Variants in GRIK1 observed in about 807,000 individuals in gnomAD.
GRIK1 encodes glutamate ionotropic receptor kainate type subunit 1.
GRIK1 carries 69 observed loss-of-function variants against 105.7 expected under a neutral mutation model. The observed-to-expected ratio is 0.65, with a 90% CI of 0.54 to 0.80. The LOEUF is 0.80. GRIK1 is among the 30% of genes least tolerant of loss of function. The pLI is 0.00. For missense variants in GRIK1, 1,109 were observed against 1,167.3 expected (o/e 0.95, Z 0.73); for synonymous variants, 438 against 431.3 (o/e 1.02, Z -0.19).
In GRIK1 at chr21:29,587,427, T is replaced by C. The variant is rs748666005; in HGVS notation, c.1732A>G (p.Ile578Val). The stretch of plus-strand genomic sequence containing the variant: ...CAGGCTAAGAGCACATACATCCAAA[T>C]ATCTGGAGACAGGGGGTTGAGGAAG... ...FSFLNPLSPDIWMYVLLACLG... is the reference protein window; with the variant it reads ...FSFLNPLSPDVWMYVLLACLG... The change falls in exon 12 of 18, where the codon ATT becomes GTT. Residue 578 changes from isoleucine (I) to valine (V), a missense_variant. Ile to Val is a conservative substitution (Grantham distance 29). Transcript: ENST00000327783. 10 of 1,613,804 alleles carry C rather than the reference T, an allele frequency of 6.2e-6. No homozygotes were observed. The East Asian group carries it at 1.6e-4, about 25-fold the overall frequency.
intron 15 of GRIK1, among the ~76,000 whole-genome samples, chr21:29,556,825 A>C (rs1353072021): frequency 2.0e-5 from 3 of 152,200 alleles, no homozygotes; most frequent in African/African-American, 7.2e-5. Context: ...TTCAATCCGC[A>C]CTGGACTGTG....
At chr21:29,669,002 G>A (rs2063113990) in intron 4 of GRIK1, among the ~76,000 whole-genome samples, 1 of 152,064 alleles carries the variant, frequency 6.6e-6, no homozygotes, top group African/African-American at 2.4e-5. Context: ...CGACCTTCTG[G>A]TTTATGGAAA....
chr21:29,829,998 A>T (rs1243243068), intron 1 of GRIK1, among the ~76,000 whole-genome samples: 1 of 152,168 alleles, frequency 6.6e-6, no homozygotes, highest in Non-Finnish European at 1.5e-5. Flanking sequence ...TTAAGCAGTA[A>T]TTCCCAAATA....
At chr21:29,883,524 G>A (rs1261499705) in intron 1 of GRIK1, among the ~76,000 whole-genome samples, 1 of 151,926 alleles carries the variant, frequency 6.6e-6, no homozygotes, top group Non-Finnish European at 1.5e-5. Context: ...AAAGCAAGTG[G>A]TGCACATTTT....
At chr21:29,774,015 T>C (rs373651112) in intron 1 of GRIK1, among the ~76,000 whole-genome samples, 13 of 152,336 alleles carry the variant, frequency 8.5e-5, no homozygotes, top group Non-Finnish European at 1.5e-4. Context: ...GGATTTAGCA[T>C]ACAAAGATAA....
intron 1 of GRIK1, among the ~76,000 whole-genome samples, chr21:29,894,678 C>A (rs2146234855): frequency 6.6e-6 from 1 of 152,256 alleles, no homozygotes; most frequent in Non-Finnish European, 1.5e-5. Context: ...CCATCACAGG[C>A]CTTATAAACA....
intron 1 of GRIK1, among the ~76,000 whole-genome samples, chr21:29,721,032 C>T (rs1470385097): frequency 2.0e-5 from 3 of 152,174 alleles, no homozygotes; most frequent in South Asian, 2.1e-4. Context: ...CCTATTCTTC[C>T]GAGGGCTCAT....
chr21:29,569,628 G>T (rs1186544575), intron 14 of GRIK1, among the ~76,000 whole-genome samples: 1 of 152,174 alleles, frequency 6.6e-6, no homozygotes, highest in East Asian at 1.9e-4. Context: ...TTGGATGATG[G>T]TTCACAAGGA....
At chr21:29,909,377 A>T (rs1328204188) in intron 1 of GRIK1, among the ~76,000 whole-genome samples, 1 of 151,972 alleles carries the variant, frequency 6.6e-6, no homozygotes, top group Non-Finnish European at 1.5e-5. Flanking sequence ...CAAGCAAAAC[A>T]TAAGTAAAAT....
chr21:29,850,057 G>C (rs2146041718), intron 1 of GRIK1, among the ~76,000 whole-genome samples: 1 of 152,292 alleles, frequency 6.6e-6, no homozygotes, highest in Non-Finnish European at 1.5e-5. Context: ...TCTTAAAATA[G>C]CATATGCCCG....
At chr21:29,848,578 T>C (rs1422579994) in intron 1 of GRIK1, among the ~76,000 whole-genome samples, 1 of 152,076 alleles carries the variant, frequency 6.6e-6, no homozygotes, top group South Asian at 2.1e-4. Context: ...TTCATCCTTC[T>C]CAAATGGAAA....
chr21:29,925,820 A>G (rs1233479864), intron 1 of GRIK1, among the ~76,000 whole-genome samples: 3 of 152,232 alleles, frequency 2.0e-5, no homozygotes, highest in African/African-American at 4.8e-5. Context: ...TGACGTTCTC[A>G]AAAAGTGAGT....
At chr21:29,655,020 C>A (rs933408624) in intron 4 of GRIK1, among the ~76,000 whole-genome samples, 157 bp from the exon 5 acceptor site, 1 of 152,242 alleles carries the variant, frequency 6.6e-6, no homozygotes, top group African/African-American at 2.4e-5. Context: ...CAATGAGTGG[C>A]TGGTGTGGAG....
chr21:29,828,580 C>T (rs561425523), intron 1 of GRIK1, among the ~76,000 whole-genome samples: 1 of 152,146 alleles, frequency 6.6e-6, no homozygotes, highest in South Asian at 2.1e-4. Context: ...TGGTTTATTG[C>T]ATGCTTGACC....
intron 1 of GRIK1, among the ~76,000 whole-genome samples, chr21:29,906,672 G>A (rs1189006357): frequency 6.6e-6 from 1 of 152,054 alleles, no homozygotes; most frequent in Non-Finnish European, 1.5e-5. Context: ...TTCAGGAGGG[G>A]AAATAAAATT....
chr21:29,722,141 C>T (rs1436548021), intron 1 of GRIK1, among the ~76,000 whole-genome samples: 1 of 151,890 alleles, frequency 6.6e-6, no homozygotes, highest in East Asian at 1.9e-4. Context: ...AATAACATAC[C>T]CTGAGATATG....
At chr21:29,541,966 A>G (rs1222955527) in intron 16 of GRIK1, among the ~76,000 whole-genome samples, 1 of 152,160 alleles carries the variant, frequency 6.6e-6, no homozygotes, top group Non-Finnish European at 1.5e-5. Context: ...TTACAAATGA[A>G]TTTATAGTAA....
At chr21:29,625,305 T>A (rs1184523456) in intron 7 of GRIK1, among the ~76,000 whole-genome samples, 1 of 152,230 alleles carries the variant, frequency 6.6e-6, no homozygotes, top group Non-Finnish European at 1.5e-5. Flanking sequence ...ATGTGAGAAG[T>A]AATTCATTTT....
intron 14 of GRIK1, among the ~76,000 whole-genome samples, chr21:29,563,289 T>C (rs142219501): frequency 6.6e-6 from 1 of 152,326 alleles, no homozygotes; most frequent in African/African-American, 2.4e-5. Context: ...TGGGGGCCAC[T>C]CAATTCCAAC....
Sources: gnomAD v4.1 joint callset for allele counts (sites outside exome capture counted in the v4.1 genomes callset) on GRCh38, gnomAD v4.1.1 for gene constraint, MANE v1.5 for transcripts, NCBI Gene and HGNC (gene_info 2026-07-23, HGNC 2026-07-21) for gene names.